Variants in ZMYM1 observed in about 807,000 individuals in gnomAD.
The protein encoded by ZMYM1 is zinc finger MYM-type protein 1.
Under a neutral mutation model 60.0 loss-of-function variants are expected in ZMYM1, and 39 were observed. The ratio of observed to expected loss-of-function variants is 0.65; its 90% confidence interval spans 0.50 to 0.85. The LOEUF (loss-of-function observed/expected upper bound fraction) is 0.85, where lower values mean the gene tolerates loss of function less well. Among genes scored for constraint, ZMYM1 ranks in the 40% least tolerant of loss-of-function variants. The probability of loss-of-function intolerance (pLI) is 0.00; values close to 1 mark genes in which losing one functional copy is unlikely to be tolerated. For missense variants in ZMYM1, 1,171 were observed against 1,309.5 expected (o/e 0.89, Z 1.63); for synonymous variants, 413 against 454.0 (o/e 0.91, Z 1.15).
intron 6 of ZMYM1, among the ~76,000 whole-genome samples, chr1:35,105,208 C>A (rs1446101871): frequency 2.1e-5 from 3 of 141,908 alleles, no homozygotes; most frequent in Non-Finnish European, 4.5e-5. Flanking sequence ...GATCTCGGCT[C>A]ACTGCAAGTT....
intron 4 of ZMYM1, among the ~76,000 whole-genome samples, chr1:35,101,459 A>G (rs1236862171): frequency 6.8e-6 from 1 of 146,916 alleles, no homozygotes; most frequent in African/African-American, 2.5e-5. Flanking sequence ...CCAGCAATCT[A>G]GTATGCTGAT....
Position 35,105,157 on chromosome 1 carries a change from T to A in ZMYM1, c.807+388T>A, listed in dbSNP as rs1234037974. Among the ~76,000 whole-genome samples, 18 of 142,122 alleles carry A rather than the reference T, an allele frequency of 1.3e-4. No individual in the cohort carries two copies. The East Asian group carries it at 3.6e-3, about 29-fold the overall frequency. The allele number at this position is 142,122 out of a possible 152,430, so 93.2% of individuals were successfully genotyped here. A position where few individuals can be genotyped will look rare whatever the true frequency, so the allele number is the denominator to read the frequency against. ...TTTTTTTTTTTTTTTTTTGGTGAGATGGAGTCTTCCTCTGTCACCCAGGCT... is the reference window on the plus strand; with the variant it reads ...TTTTTTTTTTTTTTTTTTGGTGAGAAGGAGTCTTCCTCTGTCACCCAGGCT... On this transcript the variant is annotated intron_variant, in intron 6 of 9. Coordinates refer to ENST00000359858, the MANE Select transcript of ZMYM1 (RefSeq NM_024772.5).
intron 1 of ZMYM1, among the ~76,000 whole-genome samples, chr1:35,061,003 G>A (rs187162351): frequency 6.6e-6 from 1 of 152,348 alleles, no homozygotes; most frequent in East Asian, 1.9e-4. Flanking sequence ...AGGCTGAACA[G>A]CTCCTCCCCA....
At chr1:35,080,782 T>C (rs914188453) in intron 1 of ZMYM1, among the ~76,000 whole-genome samples, 2 of 152,032 alleles carry the variant, frequency 1.3e-5, no homozygotes, top group Non-Finnish European at 2.9e-5. Flanking sequence ...GACATCCTAC[T>C]CATCAGTGTA....
rs1357823795 is a variant in ZMYM1, at chr1:35,097,313, A to G, written c.170-4A>G. The G allele has an allele frequency of 3.8e-6, 6 of 1,573,908 alleles. No homozygotes were observed. Among genetic ancestry groups the G allele is most frequent in the Admixed American group, 2.0e-5 (1 of 50,112 alleles). On this transcript the variant is annotated splice_region_variant and splice_polypyrimidine_tract_variant and intron_variant, in intron 3 of 9. Transcript: ENST00000359858. ...TTTTTTTTCTCCCTCTTGTGTTTTTATAGCTTCACAGTTGACTGCAGGCAT... is the reference window on the plus strand; with the variant it reads ...TTTTTTTTCTCCCTCTTGTGTTTTTGTAGCTTCACAGTTGACTGCAGGCAT...
At chr1:35,090,809 G>C (rs936029998) in intron 1 of ZMYM1, among the ~76,000 whole-genome samples, 13 of 152,110 alleles carry the variant, frequency 8.5e-5, no homozygotes, top group African/African-American at 2.9e-4. Context: ...AGCCAGGCGT[G>C]ATGGCACATG....
upstream of ZMYM1, among the ~76,000 whole-genome samples, chr1:35,076,376 C>T (rs1642166310): frequency 6.6e-6 from 1 of 152,164 alleles, no homozygotes; most frequent in Admixed American, 6.6e-5. Flanking sequence ...AATCCCAGCA[C>T]TTTGGGAGGC....
intron 1 of ZMYM1, among the ~76,000 whole-genome samples, chr1:35,062,248 G>A (rs1641890109): frequency 6.6e-6 from 1 of 152,174 alleles, no homozygotes; most frequent in Non-Finnish European, 1.5e-5. Flanking sequence ...AACTTTGGAA[G>A]AAGAAACTCA....
At chr1:35,062,640 C>A (rs1641896631) in intron 1 of ZMYM1, among the ~76,000 whole-genome samples, 1 of 152,196 alleles carries the variant, frequency 6.6e-6, no homozygotes, top group Admixed American at 6.5e-5. Flanking sequence ...CATTTAAAGC[C>A]TTAAATTCTT....
At chr1:35,073,507 G>A (rs1249460849) in intron 1 of ZMYM1, among the ~76,000 whole-genome samples, 1 of 151,246 alleles carries the variant, frequency 6.6e-6, no homozygotes, top group Non-Finnish European at 1.5e-5. Context: ...AGGCTGCAGT[G>A]AGCTATGATC....
intron 4 of ZMYM1, among the ~76,000 whole-genome samples, chr1:35,100,771 T>C (rs761724087): frequency 2.6e-5 from 4 of 152,186 alleles, no homozygotes; most frequent in South Asian, 2.1e-4. Flanking sequence ...AGGTTTGATT[T>C]ATTTATCGGA....
At chr1:35,078,034 T>TA (rs1004039716), upstream of ZMYM1, among the ~76,000 whole-genome samples, 4 of 152,300 alleles carry the variant, frequency 2.6e-5, no homozygotes, top group African/African-American at 9.6e-5. Flanking sequence ...TGGGGCAAAT[T>TA]ACCTTTATCC....
chr1:35,111,746 A>G (rs1180993415), intron 7 of ZMYM1, 26 bp from the exon 8 acceptor site: 4 of 1,541,552 alleles, frequency 2.6e-6, no homozygotes, highest in Admixed American at 4.1e-5. Flanking sequence ...TGCCTTGTTT[A>G]TAAGAAATCT....
intron 2 of ZMYM1, among the ~76,000 whole-genome samples, chr1:35,095,350 C>T (rs942821425): frequency 3.3e-5 from 5 of 151,496 alleles, no homozygotes; most frequent in Admixed American, 3.3e-4. Flanking sequence ...AAAAATTAGC[C>T]GGGCATGGAG....
chr1:35,112,218 C>G, intron 9 of ZMYM1, 88 bp downstream of exon 9: 1 of 1,392,440 alleles, frequency 7.2e-7, no homozygotes, highest in Non-Finnish European at 1.0e-6. Context: ...CGCTCTGCCA[C>G]CCAAGCTGGA....
chr1:35,104,151 A>G (rs1643799606), intron 4 of ZMYM1, 144 bp from the exon 5 acceptor site: 2 of 677,430 alleles, frequency 3.0e-6, no homozygotes, highest in Admixed American at 3.2e-5. Context: ...GGGAGTATAA[A>G]TGTGACAGAA....
At chr1:35,106,738 A>G (rs1643900391) in intron 6 of ZMYM1, among the ~76,000 whole-genome samples, 1 of 152,158 alleles carries the variant, frequency 6.6e-6, no homozygotes, top group African/African-American at 2.4e-5. Context: ...TGGGACCAGA[A>G]CGGAAAGCAC....
chr1:35,083,878 A>G (rs950293468), intron 1 of ZMYM1, among the ~76,000 whole-genome samples: 1 of 152,154 alleles, frequency 6.6e-6, no homozygotes, highest in Admixed American at 6.5e-5. Flanking sequence ...TTGGCTTCCC[A>G]GAGTTCTGGG....
downstream of ZMYM1, among the ~76,000 whole-genome samples, chr1:35,118,571 G>A (rs1223909716): frequency 6.6e-6 from 1 of 152,100 alleles, no homozygotes; most frequent in Non-Finnish European, 1.5e-5. Context: ...GCCAGGCGCA[G>A]TGGTGGGTGC....
Sources: allele counts gnomAD v4.1 joint callset (sites outside exome capture counted in the v4.1 genomes callset), GRCh38; gene constraint gnomAD v4.1.1; transcripts MANE v1.5; gene names NCBI Gene and HGNC (gene_info 2026-07-23, HGNC 2026-07-21).